The following DAB1 variants were observed in gnomAD, a reference collection of about 807,000 sequenced individuals.
DAB1 encodes the protein DAB adaptor protein 1.
Under a neutral mutation model 64.6 loss-of-function variants are expected in DAB1, and 15 were observed. The ratio of observed to expected loss-of-function variants is 0.23; its 90% confidence interval spans 0.16 to 0.36. DAB1 has a LOEUF of 0.36. Ranked by LOEUF, DAB1 falls within the 10% of genes least tolerant of loss-of-function variation. The pLI, the probability that DAB1 is intolerant of heterozygous loss-of-function variation, is 1.00. For missense variants in DAB1, 596 were observed against 706.7 expected, an observed-to-expected ratio of 0.84 and a Z score of 1.78; for synonymous variants, 235 against 251.9, an observed-to-expected ratio of 0.93 and a Z score of 0.64.
At chr1:58,252,331 C>T (rs1660822103) in intron 4 of DAB1, among the ~76,000 whole-genome samples, 1 of 152,170 alleles carries the variant, frequency 6.6e-6, no homozygotes, top group Non-Finnish European at 1.5e-5. Context: ...TTTTCTCAAG[C>T]AGGAAACATT....
intron 3 of DAB1, among the ~76,000 whole-genome samples, chr1:58,350,933 T>A (rs1377456943): frequency 2.0e-5 from 3 of 152,206 alleles, no homozygotes; most frequent in African/African-American, 7.2e-5. Flanking sequence ...TTGTCTTGGC[T>A]ATGCAGGCTC....
intron 2 of DAB1, among the ~76,000 whole-genome samples, chr1:57,281,785 C>T (rs1391293833): frequency 6.6e-6 from 1 of 152,106 alleles, no homozygotes; most frequent in Non-Finnish European, 1.5e-5. Context: ...GTAGCCTGAA[C>T]TACCTTCGGG....
intron 9 of DAB1, among the ~76,000 whole-genome samples, chr1:57,061,517 T>A (rs1267365498): frequency 6.6e-6 from 1 of 152,168 alleles, no homozygotes; most frequent in African/African-American, 2.4e-5. Context: ...CTGTCTGAGG[T>A]GCCAGCTGGT....
intron 6 of DAB1, among the ~76,000 whole-genome samples, chr1:57,809,025 C>T (rs1478762576): frequency 1.3e-5 from 2 of 152,066 alleles, no homozygotes; most frequent in East Asian, 1.9e-4. Flanking sequence ...AGAAGCTCCT[C>T]GGAAAATATG....
At position 57,742,887 on chromosome 1, in the gene DAB1, G is replaced by A. The variant is rs112844264; in HGVS notation, n.552-93222C>T. Among the ~76,000 whole-genome samples the A allele has an allele frequency of 1.4e-3, 216 of 152,290 alleles. 2 individuals are homozygous for A. The highest frequency in any genetic ancestry group is 5.0e-3 in the African/African-American group (206 of 41,534). On this transcript the variant is annotated intron_variant and non_coding_transcript_variant, in intron 6 of 20. Coordinates refer to the DAB1 transcript ENST00000485760. ...TGGAAGTGCAAAATCAAGACTGTCT[G>A]GCAAGAAGGTCCTGAGACCAAGCTG...
At chr1:57,224,385 C>T (rs368118009) in intron 2 of DAB1, among the ~76,000 whole-genome samples, 13 of 152,162 alleles carry the variant, frequency 8.5e-5, no homozygotes, top group South Asian at 4.1e-4. Flanking sequence ...CCAGATACAA[C>T]GCATCAACCC....
At chr1:58,150,309 A>G (rs528828056) in intron 5 of DAB1, among the ~76,000 whole-genome samples, 1 of 152,336 alleles carries the variant, frequency 6.6e-6, no homozygotes, top group African/African-American at 2.4e-5. Flanking sequence ...CTATGTGCCT[A>G]CAAAACCCAG....
chr1:57,539,826 C>T (rs897845165), intron 7 of DAB1, among the ~76,000 whole-genome samples: 3 of 152,192 alleles, frequency 2.0e-5, no homozygotes, highest in African/African-American at 7.2e-5. Flanking sequence ...TTCTTCTTTA[C>T]AGCAAACTTG....
intron 4 of DAB1, among the ~76,000 whole-genome samples, chr1:58,161,260 T>C (rs1422675322): frequency 1.3e-5 from 2 of 152,172 alleles, no homozygotes; most frequent in Non-Finnish European, 2.9e-5. Context: ...GCAAGTTCAA[T>C]TGAGAGTAAA....
intron 7 of DAB1, among the ~76,000 whole-genome samples, chr1:57,488,215 A>T (rs536047877): frequency 9.2e-5 from 14 of 152,088 alleles, no homozygotes; most frequent in Non-Finnish European, 1.8e-4. Flanking sequence ...CACCCTGGCT[A>T]ACACGGTGAA....
intron 7 of DAB1, among the ~76,000 whole-genome samples, chr1:57,534,108 CA>C (rs1644697475): frequency 1.3e-5 from 2 of 152,032 alleles, no homozygotes; most frequent in Admixed American, 6.6e-5. Flanking sequence ...ATTCATTCTG[CA>C]ATAATGTCCA....
chr1:58,223,621 G>A, intron 4 of DAB1, among the ~76,000 whole-genome samples: 1 of 152,138 alleles, frequency 6.6e-6, no homozygotes, highest in Non-Finnish European at 1.5e-5. Flanking sequence ...CTGGTTTTCA[G>A]CCCAACGAAT....
chr1:58,410,210 G>T (rs1026844357), intron 3 of DAB1, among the ~76,000 whole-genome samples: 1 of 152,204 alleles, frequency 6.6e-6, no homozygotes, highest in African/African-American at 2.4e-5. Context: ...AAGATGCCAT[G>T]CGGCTTTATG....
chr1:58,042,174 A>G (rs1647146628), intron 5 of DAB1, among the ~76,000 whole-genome samples: 1 of 152,218 alleles, frequency 6.6e-6, no homozygotes. Flanking sequence ...GGCTTATTTA[A>G]TGTACTTACT....
At chr1:58,373,798 G>A (rs373575480) in intron 3 of DAB1, among the ~76,000 whole-genome samples, 1 of 151,066 alleles carries the variant, frequency 6.6e-6, no homozygotes, top group Non-Finnish European at 1.5e-5. Context: ...CCCACCAACA[G>A]TGTAAAAGTG....
chr1:58,299,351 T>TCTAA lies in DAB1; in HGVS notation n.309+43997_309+44000dup, dbSNP rs1163672973. Among the ~76,000 whole-genome samples the TCTAA allele has an allele frequency of 9.2e-5, 14 of 152,318 alleles. 1 individual carries two copies. The highest frequency in any genetic ancestry group is 3.4e-4 in the African/African-American group (14 of 41,576). On this transcript the variant is annotated intron_variant and non_coding_transcript_variant, in intron 4 of 20. Transcript: ENST00000485760. ...GGTATGATGGTTTACTTCAGTGGTA[T>TCTAA]CTAAGTAGGCTGTGCACTTTCAATG...
At chr1:57,850,772 A>AT (rs1653486738) in intron 1 of DAB1, among the ~76,000 whole-genome samples, 1 of 151,990 alleles carries the variant, frequency 6.6e-6, no homozygotes, top group Non-Finnish European at 1.5e-5. Context: ...TTCCAACATC[A>AT]TTTTTTTCCC....
rs763250347 is a variant in DAB1, at chr1:57,072,313, G to A, written c.408C>T (p.His136=). Residue 136 remains histidine (H), a synonymous_variant, in exon 5 of 15, where the codon CAC becomes CAT. Transcript: ENST00000371236. ...GGGCTGTTTTTATGGCCACAAATCT[G>A]TGATTCCCTTCCTTCCCACAAACAT... ...FGYVCGKEGN[H]RFVAIKTAQA... is the part of the protein sequence containing the mutation. 1.2e-5 allele frequency: 19 copies of A among 1,613,858 alleles called. No homozygotes were observed. The highest frequency in any genetic ancestry group is 1.6e-5 in the Non-Finnish European group (19 of 1,179,806).
intron 4 of DAB1, among the ~76,000 whole-genome samples, chr1:58,204,035 A>T (rs1403055777): frequency 6.6e-6 from 1 of 152,228 alleles, no homozygotes; most frequent in Non-Finnish European, 1.5e-5. Context: ...CTAAGGACTT[A>T]AGACATTACC....
Sources: gnomAD v4.1 joint callset for allele counts (sites outside exome capture counted in the v4.1 genomes callset) on GRCh38, gnomAD v4.1.1 for gene constraint, MANE v1.5 for transcripts, NCBI Gene and HGNC (gene_info 2026-07-23, HGNC 2026-07-21) for gene names.